The following SPATA17 variants were observed in gnomAD, a reference collection of about 807,000 sequenced individuals.
SPATA17 encodes spermatogenesis associated 17, also known as spermatogenesis-associated protein 17.
SPATA17 carries 53 observed loss-of-function variants against 62.2 expected under a neutral mutation model. The ratio of observed to expected loss-of-function variants is 0.85; its 90% CI spans 0.68 to 1.07. The LOEUF is 1.07. SPATA17 is among the 50% of genes least tolerant of loss of function. The pLI, the probability that SPATA17 is intolerant of heterozygous loss-of-function variation, is 0.00. For missense variants in SPATA17, 466 were observed against 425.5 expected (o/e 1.10, Z -0.84); for synonymous variants, 146 against 146.8 (o/e 0.99, Z 0.04).
intron 9 of SPATA17, among the ~76,000 whole-genome samples, chr1:217,820,280 T>C (rs1674827819): frequency 6.6e-6 from 1 of 152,062 alleles, no homozygotes; most frequent in Non-Finnish European, 1.5e-5. Flanking sequence ...GTGAGGTTTA[T>C]GTTTTTAAGA....
chr1:217,696,658 G>A (rs1190952033), intron 5 of SPATA17, among the ~76,000 whole-genome samples: 1 of 152,048 alleles, frequency 6.6e-6, no homozygotes, highest in Non-Finnish European at 1.5e-5. Flanking sequence ...TTGTAATATT[G>A]TTCTGGTTGT....
At chr1:217,736,840 A>G (rs796076581) in intron 5 of SPATA17, among the ~76,000 whole-genome samples, 5 of 152,336 alleles carry the variant, frequency 3.3e-5, no homozygotes, top group African/African-American at 1.2e-4. Flanking sequence ...TTTAAGGAAA[A>G]TAAGACATTT....
chr1:217,701,323 A>G, intron 5 of SPATA17, among the ~76,000 whole-genome samples: 1 of 151,388 alleles, frequency 6.6e-6, no homozygotes, highest in East Asian at 2.0e-4. Flanking sequence ...GTGTGTATAT[A>G]TATGTGTGTA....
intron 3 of SPATA17, among the ~76,000 whole-genome samples, chr1:217,664,439 A>C (rs1027902909): frequency 2.6e-5 from 4 of 151,686 alleles, no homozygotes; most frequent in African/African-American, 9.7e-5. Flanking sequence ...ACAGGTGCTC[A>C]CCACCACACC....
chr1:217,822,827 T>C (rs1674900591), intron 9 of SPATA17, among the ~76,000 whole-genome samples: 1 of 151,402 alleles, frequency 6.6e-6, no homozygotes, highest in South Asian at 2.1e-4. Flanking sequence ...CTCATTCTTT[T>C]TCAAGTCAGC....
intron 5 of SPATA17, among the ~76,000 whole-genome samples, chr1:217,736,538 A>C (rs1672512650): frequency 6.8e-6 from 1 of 147,706 alleles, no homozygotes; most frequent in South Asian, 2.1e-4. Flanking sequence ...AATCCACATC[A>C]GAAAGTAAAT....
At position 217,631,446 on chromosome 1, in the gene SPATA17, G is replaced by A. The variant is rs2102869377; in HGVS notation, c.68G>A (p.Ser23Asn). The A allele has an allele frequency of 1.2e-6, 2 of 1,614,120 alleles. No homozygotes were observed. Among genetic ancestry groups the A allele is most frequent in the Non-Finnish European group, 8.5e-7 (1 of 1,180,006 alleles). The change falls in exon 1 of 11, where the codon AGT becomes AAT. Residue 23 changes from serine (S) to asparagine (N), a missense_variant and splice_region_variant. Transcript: ENST00000366933. ...GGAAATCAGTACTACTTTAGGAACA[G>A]GTAAGTCAGGAAGAGAAGGATCGCG... ...TVGNQYYFRN[S>N]VVDPFRKKEN...
chr1:217,660,609 G>T (rs1227456838), intron 3 of SPATA17, among the ~76,000 whole-genome samples: 1 of 152,202 alleles, frequency 6.6e-6, no homozygotes, highest in Non-Finnish European at 1.5e-5. Flanking sequence ...GTTGTGAGCA[G>T]ATGGGATATA....
At chr1:217,721,386 T>A (rs1183314991) in intron 5 of SPATA17, among the ~76,000 whole-genome samples, 4 of 152,156 alleles carry the variant, frequency 2.6e-5, no homozygotes, top group Admixed American at 6.5e-5. Flanking sequence ...TCTGCTGCGA[T>A]GTCATTGATC....
intron 6 of SPATA17, among the ~76,000 whole-genome samples, chr1:217,768,996 T>C (rs1175588097): frequency 6.6e-6 from 1 of 152,170 alleles, no homozygotes; most frequent in African/African-American, 2.4e-5. Context: ...TGACTTTTTA[T>C]TTGCCTCTAT....
chr1:217,819,061 T>C (rs575888726), intron 9 of SPATA17, among the ~76,000 whole-genome samples: 16 of 151,908 alleles, frequency 1.1e-4, no homozygotes, highest in Non-Finnish European at 1.9e-4. Flanking sequence ...TCTTAGTTTG[T>C]GAGCTTTTAT....
At chr1:217,776,165 G>A (rs1485222049) in intron 7 of SPATA17, among the ~76,000 whole-genome samples, 1 of 152,178 alleles carries the variant, frequency 6.6e-6, no homozygotes, top group Middle Eastern at 3.2e-3. Context: ...TAACTAGATT[G>A]TAGTACAACA....
intron 9 of SPATA17, among the ~76,000 whole-genome samples, chr1:217,841,802 TATTAA>T (rs980778335): frequency 1.3e-5 from 2 of 149,780 alleles, no homozygotes; most frequent in Non-Finnish European, 3.0e-5. Flanking sequence ...CTTTCCTACA[TATTAA>T]ATTAAATTAA....
chr1:217,786,348 A>G (rs949989362), intron 8 of SPATA17, among the ~76,000 whole-genome samples: 2 of 152,152 alleles, frequency 1.3e-5, no homozygotes. Flanking sequence ...CAGATAAGGA[A>G]CTGAGTTGGA....
intron 5 of SPATA17, among the ~76,000 whole-genome samples, chr1:217,691,045 G>C (rs1671342657): frequency 1.4e-5 from 2 of 144,970 alleles, no homozygotes; most frequent in Admixed American, 6.8e-5. Context: ...TCTAGTTCTA[G>C]ATCCCTGAGG....
In SPATA17 at chr1:217,852,462, A is replaced by G. The variant is rs4619035; in HGVS notation, c.1006-10312A>G. The stretch of plus-strand genomic sequence containing the variant: ...CTTCTTCTTTGGGGGCAGTGATGAA[A>G]TCAATGCATGTTGTGTGATGACAAC... On this transcript the variant is annotated intron_variant, in intron 9 of 10. Transcript: ENST00000366933. Among the ~76,000 whole-genome samples, 293 of 152,282 alleles carry G rather than the reference A, an allele frequency of 1.9e-3. 5 individuals are homozygous for G. The highest frequency in any genetic ancestry group is 0.019 in the South Asian group (92 of 4,826).
chr1:217,849,457 A>G (rs912959783), intron 9 of SPATA17, among the ~76,000 whole-genome samples: 47 of 152,302 alleles, frequency 3.1e-4, no homozygotes, highest in African/African-American at 9.4e-4. Context: ...TCCTAAAAAA[A>G]CAAACTTATA....
In SPATA17 at chr1:217,851,843, G is replaced by A. The variant is rs1051104937; in HGVS notation, c.1006-10931G>A. 3.3e-5 allele frequency among the ~76,000 whole-genome samples: 5 copies of A among 152,138 alleles called. No homozygotes were observed. In the East Asian group the frequency reaches 9.6e-4, roughly 29 times the overall value. On this transcript the variant is annotated intron_variant, in intron 9 of 10. Transcript: ENST00000366933. Reference sequence around the variant, plus strand: ...AGATTTGATGACTAGTTGATTCGAAGGCTATCATTTGCACATTTAAAGACT... The same window carrying A: ...AGATTTGATGACTAGTTGATTCGAAAGCTATCATTTGCACATTTAAAGACT...
chr1:217,665,894 A>T lies in SPATA17; in HGVS notation c.241-3139A>T, dbSNP rs75330221. Reference sequence around the variant, plus strand: ...AGCTAGGTAATATGACAAAGGCCACATAGAGCTAACAAATGGCTGATAATG... The same window carrying T: ...AGCTAGGTAATATGACAAAGGCCACTTAGAGCTAACAAATGGCTGATAATG... On this transcript the variant is annotated intron_variant, in intron 3 of 10. Coordinates refer to ENST00000366933, the MANE Select transcript of SPATA17 (RefSeq NM_138796.4). Among the ~76,000 whole-genome samples the T allele has an allele frequency of 7.7e-4, 117 of 152,346 alleles. 1 individual carries two copies. The highest frequency in any genetic ancestry group is 2.5e-3 in the Admixed American group (38 of 15,300).
Sources: allele counts gnomAD v4.1 joint callset (sites outside exome capture counted in the v4.1 genomes callset), GRCh38; gene constraint gnomAD v4.1.1; transcripts MANE v1.5; gene names NCBI Gene and HGNC (gene_info 2026-07-23, HGNC 2026-07-21).